Variants in SPATA17 observed in about 807,000 individuals in gnomAD.
SPATA17 encodes spermatogenesis associated 17, also known as spermatogenesis-associated protein 17.
Under a neutral mutation model 62.2 loss-of-function variants are expected in SPATA17, and 53 were observed. The ratio of observed to expected loss-of-function variants is 0.85; its 90% confidence interval spans 0.68 to 1.07. SPATA17 has a LOEUF of 1.07. Ranked by LOEUF, SPATA17 falls within the 50% of genes least tolerant of loss-of-function variation. The pLI is 0.00. For missense variants in SPATA17, 466 were observed against 425.5 expected, an observed-to-expected ratio of 1.10 and a Z score of -0.84; for synonymous variants, 146 against 146.8, an observed-to-expected ratio of 0.99 and a Z score of 0.04.
intron 9 of SPATA17, among the ~76,000 whole-genome samples, chr1:217,832,545 C>A (rs1016573712): frequency 3.3e-5 from 5 of 152,118 alleles, no homozygotes; most frequent in African/African-American, 1.2e-4. Context: ...AAAATCATCA[C>A]AGAATGTAGC....
At chr1:217,702,553 CT>C (rs1186742802) in intron 5 of SPATA17, among the ~76,000 whole-genome samples, 2 of 152,028 alleles carry the variant, frequency 1.3e-5, no homozygotes, top group African/African-American at 4.8e-5. Flanking sequence ...AAGAAAATTA[CT>C]TTGGTTTTTA....
chr1:217,721,778 T>C (rs772977542), intron 5 of SPATA17, among the ~76,000 whole-genome samples: 1 of 152,204 alleles, frequency 6.6e-6, no homozygotes, highest in Non-Finnish European at 1.5e-5. Context: ...TGTTTGATAC[T>C]CTTTACTGTG....
chr1:217,719,489 A>G (rs1029047500), intron 5 of SPATA17, among the ~76,000 whole-genome samples: 14 of 152,192 alleles, frequency 9.2e-5, no homozygotes, highest in Non-Finnish European at 1.9e-4. Context: ...AAATACAGTA[A>G]CAGATGCAAC....
chr1:217,770,568 A>G (rs1673413617), intron 6 of SPATA17, among the ~76,000 whole-genome samples: 2 of 152,174 alleles, frequency 1.3e-5, no homozygotes, highest in Non-Finnish European at 2.9e-5. Context: ...AAGAGAAGAG[A>G]AAAAAATTAG....
intron 9 of SPATA17, among the ~76,000 whole-genome samples, chr1:217,856,155 T>A (rs1197269267): frequency 1.3e-5 from 2 of 152,202 alleles, no homozygotes; most frequent in Non-Finnish European, 2.9e-5. Context: ...TATACTAAAG[T>A]CAAATATAAA....
chr1:217,776,642 C>G (rs1218029918), intron 7 of SPATA17, among the ~76,000 whole-genome samples: 1 of 148,632 alleles, frequency 6.7e-6, no homozygotes, highest in Admixed American at 6.7e-5. Flanking sequence ...AGTTCACAAC[C>G]AGCCTGGGCA....
intron 9 of SPATA17, among the ~76,000 whole-genome samples, chr1:217,862,433 C>T (rs1316023079): frequency 1.3e-5 from 2 of 152,056 alleles, no homozygotes. Context: ...ATTTATTATG[C>T]AGAAAACAAA....
intron 8 of SPATA17, among the ~76,000 whole-genome samples, chr1:217,782,852 T>C (rs140484270): frequency 9.0e-4 from 137 of 152,064 alleles, no homozygotes; most frequent in African/African-American, 2.9e-3. Context: ...ATTTGGGTCT[T>C]AATTCAGACA....
chr1:217,664,120 T>C (rs1670632697), intron 3 of SPATA17, among the ~76,000 whole-genome samples: 2 of 151,970 alleles, frequency 1.3e-5, no homozygotes, highest in Admixed American at 1.3e-4. Flanking sequence ...GTCTGGAGCA[T>C]GTTTTGAGAA....
At chr1:217,685,071 C>CAAATGGCTGAA (rs1370464997) in intron 5 of SPATA17, among the ~76,000 whole-genome samples, 1 of 152,100 alleles carries the variant, frequency 6.6e-6, no homozygotes, top group Non-Finnish European at 1.5e-5. Flanking sequence ...GACTGGCTGA[C>CAAATGGCTGAA]TTTAGCTTGT....
chr1:217,850,833 C>T (rs1443672527), intron 9 of SPATA17, among the ~76,000 whole-genome samples: 1 of 152,012 alleles, frequency 6.6e-6, no homozygotes, highest in East Asian at 1.9e-4. Flanking sequence ...CCCCCAGGAA[C>T]CTTACCATCT....
intron 5 of SPATA17, among the ~76,000 whole-genome samples, chr1:217,715,888 T>C (rs900480677): frequency 6.6e-6 from 1 of 152,216 alleles, no homozygotes; most frequent in African/African-American, 2.4e-5. Flanking sequence ...TTTATATCAA[T>C]ATTTGTGTTA....
chr1:217,798,015 A>C (rs937948367), intron 8 of SPATA17, among the ~76,000 whole-genome samples: 1 of 152,214 alleles, frequency 6.6e-6, no homozygotes, highest in Non-Finnish European at 1.5e-5. Context: ...GATTGGCATG[A>C]GGAGGCTGCT....
chr1:217,752,159 A>G (rs1672928757), intron 6 of SPATA17, among the ~76,000 whole-genome samples: 1 of 152,058 alleles, frequency 6.6e-6, no homozygotes, highest in African/African-American at 2.4e-5. Flanking sequence ...CAAGTAGCTG[A>G]GACTACAGGC....
At chr1:217,670,843 C>T (rs563823021) in intron 4 of SPATA17, among the ~76,000 whole-genome samples, 22 of 150,560 alleles carry the variant, frequency 1.5e-4, no homozygotes, top group East Asian at 1.2e-3. Context: ...CTCAGCTACT[C>T]GGGTGGCTGA....
intron 5 of SPATA17, among the ~76,000 whole-genome samples, chr1:217,714,488 C>CTTTTTTTTTTTTTTTTTTTTTT (rs750665329): frequency 9.9e-5 from 12 of 121,410 alleles, no homozygotes; most frequent in Non-Finnish European, 1.4e-4. Context: ...AAACGTGTTT[C>CTTTTTTTTTTTTTTTTTTTTTT]TTTTTTTTTT....
chr1:217,783,967 C>A (rs1673793741), intron 8 of SPATA17, among the ~76,000 whole-genome samples: 3 of 151,994 alleles, frequency 2.0e-5, no homozygotes, highest in Admixed American at 2.0e-4. Context: ...CAGAAAAAAA[C>A]CAAGTTGCAG....
intron 5 of SPATA17, among the ~76,000 whole-genome samples, chr1:217,709,228 A>G (rs1671804744): frequency 6.6e-6 from 1 of 152,200 alleles, no homozygotes; most frequent in South Asian, 2.1e-4. Flanking sequence ...TTATACTCAA[A>G]GCAGTTTGAA....
intron 3 of SPATA17, among the ~76,000 whole-genome samples, chr1:217,653,043 G>C (rs1416421161): frequency 2.0e-5 from 3 of 152,192 alleles, no homozygotes; most frequent in Non-Finnish European, 4.4e-5. Flanking sequence ...GAGGCAGTTT[G>C]CTTAGAGTAA....
Sources: allele counts gnomAD v4.1 joint callset (sites outside exome capture counted in the v4.1 genomes callset), GRCh38; gene constraint gnomAD v4.1.1; transcripts MANE v1.5; gene names NCBI Gene and HGNC (gene_info 2026-07-23, HGNC 2026-07-21).